The following EVPL variants were observed in gnomAD, a reference collection of about 807,000 sequenced individuals.
The protein encoded by EVPL is 210 kDa cornified envelope precursor protein.
EVPL carries 94 observed loss-of-function variants against 129.7 expected under a neutral mutation model. That is an observed-to-expected ratio of 0.72 (90% CI 0.61 to 0.86). The LOEUF (loss-of-function observed/expected upper bound fraction) is 0.86. Among genes scored for constraint, EVPL ranks in the 40% least tolerant of loss-of-function variants. EVPL has a pLI of 0.00. For missense variants in EVPL, 2,625 were observed against 2,721.1 expected (o/e 0.96, Z 0.79); for synonymous variants, 1,172 against 1,191.1 (o/e 0.98, Z 0.33).
rs775474125 is a variant in EVPL at position 76,022,153 on chromosome 17, C to T, written c.645+36G>A. The T allele has an allele frequency of 1.2e-6, 2 of 1,609,512 alleles. No individual in the cohort carries two copies. Among genetic ancestry groups the T allele is most frequent in the East Asian group, 2.2e-5 (1 of 44,812 alleles). ...GGTCCGGGCGGCCACCCAGGCCCAC[C>T]CGCAGCCTCCCTGCCCGACCCTCCC... is the stretch of plus-strand genomic sequence containing the variant. On this transcript the variant is annotated intron_variant, in intron 6 of 21. Transcript: ENST00000301607. This position sits in a 1 kb window ranked among gnomAD's most constrained non-coding sequence, Gnocchi z 5.6.
At chr17:76,020,086 C>A (rs1159631026) in intron 9 of EVPL, among the ~76,000 whole-genome samples, 4 of 149,934 alleles carry the variant, frequency 2.7e-5, no homozygotes, top group African/African-American at 9.9e-5. Flanking sequence ...CCAGCTAAAC[C>A]TAAACCAGCT....
chr17:76,012,967 A>C (rs989948343), intron 18 of EVPL, among the ~76,000 whole-genome samples: 8 of 150,700 alleles, frequency 5.3e-5, no homozygotes, highest in Non-Finnish European at 1.0e-4. Flanking sequence ...GATGGTCTCG[A>C]TCTCCTGACC....
In EVPL at chr17:76,022,199, C is replaced by T. The variant is rs753511065; in HGVS notation, c.635G>A (p.Arg212Gln). The T allele has an allele frequency of 6.2e-7, 1 of 1,613,026 alleles. No homozygotes were observed. Among genetic ancestry groups the T allele is most frequent in the South Asian group, 1.1e-5 (1 of 91,052 alleles). ...PDAATIRSQY[R>Q]DLLKAASWRG... The stretch of plus-strand genomic sequence containing the variant: ...CTCCCTCCTGCTCACCAGTAGGTCT[C>T]GGTATTGGCTCCGGATGGTGGCTGC... The change falls in exon 6 of 22, where the codon CGA becomes CAA. Residue 212 changes from arginine to glutamine, a missense_variant. Physicochemically the swap from Arg to Gln is conservative, Grantham distance 43. Around this residue, in one of 4 missense-constraint regions of EVPL, gnomAD observed 1,024 missense variants for 997.5 expected, o/e 1.03. Coordinates refer to ENST00000301607, the MANE Select transcript of EVPL (RefSeq NM_001988.4). The surrounding 1 kb of genome is among the most constrained non-coding windows in gnomAD (Gnocchi z 5.6).
chr17:76,012,310 CTT>C (rs11371360), intron 18 of EVPL: 986 of 384,202 alleles, frequency 2.6e-3, no homozygotes, highest in South Asian at 3.6e-3. Flanking sequence ...CCTTTCTTTC[CTT>C]TTTTTTTTTT....
Position 76,015,574 on chromosome 17 carries a change from CCTT to C in EVPL, c.1762_1764del (p.Lys588del), listed in dbSNP as rs2066414051. The C allele has an allele frequency of 7.4e-6, 12 of 1,613,522 alleles. No individual in the cohort carries two copies. The highest frequency in any genetic ancestry group is 9.3e-6 in the Non-Finnish European group (11 of 1,180,032). On this transcript the variant is annotated inframe_deletion, in exon 15 of 22. Transcript: ENST00000301607. ...CGCGTGGACAGAAACGCCTCGCACT[CCTT>C]CTGGGCTGTCTCCTTCTCCGTTCCC...
intron 18 of EVPL, 81 bp from the exon 19 acceptor site, chr17:76,012,170 ACAGT>A: frequency 9.3e-7 from 1 of 1,076,370 alleles, no homozygotes; most frequent in East Asian, 2.6e-5. Flanking sequence ...CTCCAGGGCC[ACAGT>A]CAGGCAGAGC....
At position 76,018,873 on chromosome 17, in the gene EVPL, G is replaced by A. The variant is rs757452500; in HGVS notation, c.1284+41C>T. 24 of 1,492,282 alleles carry A rather than the reference G, an allele frequency of 1.6e-5. No homozygotes were observed. In the South Asian group the frequency reaches 2.1e-4, roughly 13 times the overall value. 92.4% of individuals were successfully genotyped at this position (1,492,282 alleles called of 1,614,324 possible). On this transcript the variant is annotated intron_variant, in intron 11 of 21. Transcript: ENST00000301607. ...GGCAGGGGCAGGGGATGGGTTGGGC[G>A]GGGCTGGATGGTGGCAGGGGTGAGG...
chr17:76,026,495 G>C (rs1028501504), intron 1 of EVPL, among the ~76,000 whole-genome samples: 1 of 152,190 alleles, frequency 6.6e-6, no homozygotes, highest in Admixed American at 6.5e-5. Flanking sequence ...GATTATAGGC[G>C]TGAGCCACGG....
At chr17:76,021,610 C>CCGCCG in intron 8 of EVPL, 47 bp from the exon 9 acceptor site, 1 of 1,357,594 alleles carries the variant, frequency 7.4e-7, no homozygotes, top group Non-Finnish European at 9.7e-7. Context: ...CCCCCACGTC[C>CCGCCG]GCCCCACCTC....
Position 76,023,333 on chromosome 17 carries a change from C to A in EVPL, c.439G>T (p.Gly147Ter), listed in dbSNP as rs756232711. 1.1e-5 allele frequency: 18 copies of A among 1,613,932 alleles called. No individual in the cohort carries two copies. The highest frequency in any genetic ancestry group is 1.5e-5 in the Non-Finnish European group (18 of 1,180,012). ...ACGCGTGCCCAGTCGACCCTGGGTC[C>A]CACGTCGGGGGGCAGCACCATCTTC... ...YEKMVLPPDV[G>*]PRVDWARVLE... Residue 147 changes from glycine to a stop codon, truncating the protein, a stop_gained, in exon 4 of 22, where the codon GGA (glycine) becomes TGA (stop). Transcript: ENST00000301607. LOFTEE classifies it high-confidence loss of function.
chr17:76,009,911 C>T lies in EVPL; in HGVS notation c.3294G>A (p.Gln1098=), dbSNP rs1160289273. 2.5e-6 allele frequency: 4 copies of T among 1,614,236 alleles called. No homozygotes were observed. Among genetic ancestry groups the T allele is most frequent in the South Asian group, 2.2e-5 (2 of 91,088 alleles). Residue 1098 remains glutamine, a synonymous_variant, in exon 22 of 22, where the codon CAG becomes CAA. Transcript: ENST00000301607. This position sits in a 1 kb window ranked among gnomAD's most constrained non-coding sequence, Gnocchi z 5.9. ...MVKAAQALRL[Q]MEEDAARRKQ... ...TCCTCCGCGCAGCATCCTCCTCCAT[C>T]TGCAGCCTCAGAGCCTGGGCTGCCT...
rs753822027 is a variant in EVPL at position 76,017,895 on chromosome 17, G to C, written c.1554C>G (p.Asp518Glu). 12 of 1,613,968 alleles carry C rather than the reference G, an allele frequency of 7.4e-6. No homozygotes were observed. In the Admixed American group the frequency reaches 1.8e-4, roughly 25 times the overall value. ...RPSQQAPSGS[D>E]LANPQAQKLL... Reference sequence around the variant, plus strand: ...GCTTCTGGGCCTGTGGGTTGGCCAGGTCTGAGCCAGATGGAGCTGGGGGCA... The same window carrying C: ...GCTTCTGGGCCTGTGGGTTGGCCAGCTCTGAGCCAGATGGAGCTGGGGGCA... Residue 518 changes from aspartate to glutamate, a missense_variant, in exon 14 of 22, where the codon GAC becomes GAG. Physicochemically the swap from Asp to Glu is conservative, Grantham distance 45 (BLOSUM62 2). This residue lies in a region of EVPL where 1,024 missense variants were observed against 997.5 expected (regional missense o/e 1.03). Coordinates refer to ENST00000301607, the MANE Select transcript of EVPL (RefSeq NM_001988.4).
intron 14 of EVPL, among the ~76,000 whole-genome samples, chr17:76,016,990 A>G (rs1305301865): frequency 6.6e-6 from 1 of 152,014 alleles, no homozygotes; most frequent in African/African-American, 2.4e-5. Flanking sequence ...AGATGGGTGG[A>G]TCACTTAAGG....
rs2066462671 is a variant in EVPL at position 76,021,848 on chromosome 17, C to T, written c.807+19G>A. On this transcript the variant is annotated intron_variant, in intron 7 of 21. Coordinates refer to ENST00000301607, the MANE Select transcript of EVPL (RefSeq NM_001988.4). Reference sequence around the variant, plus strand: ...TGGCCCTGGCCGCCCCCACCTGGCCCCGACCTCTGCCAGCCGACCTCGTAC... The same window carrying T: ...TGGCCCTGGCCGCCCCCACCTGGCCTCGACCTCTGCCAGCCGACCTCGTAC... The T allele has an allele frequency of 6.4e-7, 1 of 1,562,048 alleles. No homozygotes were observed. Among genetic ancestry groups the T allele is most frequent in the Non-Finnish European group, 8.6e-7 (1 of 1,160,614 alleles).
chr17:76,023,322 G>C lies in EVPL; in HGVS notation c.450C>G (p.Val150=), dbSNP rs148972745. The C allele has an allele frequency of 1.5e-5, 25 of 1,613,732 alleles. No individual in the cohort carries two copies. The African/African-American group carries it at 3.2e-4, about 21-fold the overall frequency. ...TCTGCTCCAGCACGCGTGCCCAGTCGACCCTGGGTCCCACGTCGGGGGGCA... is the reference window on the plus strand; with the variant it reads ...TCTGCTCCAGCACGCGTGCCCAGTCCACCCTGGGTCCCACGTCGGGGGGCA... ...MVLPPDVGPR[V]DWARVLEQKQ... is the part of the protein sequence containing the mutation. The change falls in exon 4 of 22, where the codon GTC becomes GTG. Residue 150 remains valine, a synonymous_variant. Transcript: ENST00000301607.
chr17:76,008,722 G>A lies in EVPL; in HGVS notation c.4483C>T (p.Leu1495=). The change falls in exon 22 of 22, where the codon CTG becomes TTG. Residue 1495 remains leucine, a synonymous_variant. Transcript: ENST00000301607. This position sits in a 1 kb window ranked among gnomAD's most constrained non-coding sequence, Gnocchi z 7.4. ...LDQEKTQVTE[L]NRECKNLQVQ... ...TGCAGGTTCTTGCACTCCCGATTCA[G>A]CTCGGTTACCTGGGTCTTCTCCTGG... is the stretch of plus-strand genomic sequence containing the variant. The A allele has an allele frequency of 1.9e-6, 3 of 1,613,850 alleles. No individual in the cohort carries two copies. Among genetic ancestry groups the A allele is most frequent in the Non-Finnish European group, 2.5e-6 (3 of 1,180,026 alleles).
chr17:76,015,274 TG>T lies in EVPL; in HGVS notation c.1980del (p.Ile661SerfsTer36). ...TGCAGAGCCCCCGGTTCAGCAGGGATGGGGGCCTCCTGCACCAGGGTGGCCT... is the reference window on the plus strand; with the variant it reads ...TGCAGAGCCCCCGGTTCAGCAGGGATGGGGCCTCCTGCACCAGGGTGGCCT... ...GFEATLVQEA[P>X]IPAEPGALQE... On this transcript the variant is annotated frameshift_variant, in exon 16 of 22. Transcript: ENST00000301607. LOFTEE classifies it high-confidence loss of function. 3 of 1,602,900 alleles carry T rather than the reference TG, an allele frequency of 1.9e-6. No homozygotes were observed.
chr17:76,020,598 T>C (rs1247723357), intron 9 of EVPL, among the ~76,000 whole-genome samples: 2 of 134,272 alleles, frequency 1.5e-5, no homozygotes, highest in East Asian at 4.4e-4. Context: ...GCATATTATA[T>C]CAGGGTTTCT....
rs375106503 is a variant in EVPL at position 76,015,143 on chromosome 17, G to A, written c.2029-34C>T. 3.2e-4 allele frequency: 494 copies of A among 1,564,062 alleles called. No homozygotes were observed. In the East Asian group the frequency reaches 5.2e-3, roughly 16 times the overall value. ...GGAGGGGACGCAGCCGTGCACCCTC[G>A]TGGCTGGGGAGACGCCGTGTCCACC... On this transcript the variant is annotated intron_variant, in intron 16 of 21. Transcript: ENST00000301607.
Sources: allele counts gnomAD v4.1 joint callset (sites outside exome capture counted in the v4.1 genomes callset), GRCh38; gene constraint gnomAD v4.1.1; regional missense constraint gnomAD v4.1.1; non-coding constraint Gnocchi (gnomAD v3.1); transcripts MANE v1.5; gene names NCBI Gene and HGNC (gene_info 2026-07-23, HGNC 2026-07-21).